ASH1L: variants seen among roughly 807,000 people sequenced by gnomAD.
The protein encoded by ASH1L is ASH1 like histone lysine methyltransferase.
In ASH1L, 23 loss-of-function variants were observed where a neutral mutation model predicts 269.0. That is an observed-to-expected ratio of 0.09 (90% CI 0.06 to 0.12). The LOEUF is 0.12. Among genes scored for constraint, ASH1L ranks in the 10% least tolerant of loss-of-function variants. The pLI is 1.00. For missense variants in ASH1L, 2,912 were observed against 3,567.8 expected (o/e 0.82, Z 4.68); for synonymous variants, 1,187 against 1,253.5 (o/e 0.95, Z 1.12).
chr1:155,495,054 T>G (rs1042554330), intron 2 of ASH1L, among the ~76,000 whole-genome samples: 2 of 152,214 alleles, frequency 1.3e-5, no homozygotes, highest in Non-Finnish European at 2.9e-5. Context: ...TACATTTGTT[T>G]GTTGGATTGG....
intron 19 of ASH1L, among the ~76,000 whole-genome samples, chr1:155,348,720 A>G (rs1653587249): frequency 6.6e-6 from 1 of 152,026 alleles, no homozygotes; most frequent in Non-Finnish European, 1.5e-5. Context: ...TGTCTCTACT[A>G]AAAATACAAA....
Position 155,360,315 on chromosome 1 carries a change from T to C in ASH1L, c.6781A>G (p.Asn2261Asp). The change falls in exon 13 of 28, where the codon AAT becomes GAT. Residue 2261 changes from asparagine to aspartate, a missense_variant. Around this residue, in one of 13 missense-constraint regions of ASH1L, gnomAD observed 309 missense variants for 435.1 expected, o/e 0.71. Coordinates refer to ENST00000392403, the MANE Select transcript of ASH1L (RefSeq NM_018489.3). ...LTYDYNFHSF[N>D]VEKQQLCKCG... ...ATTATTCTTACCTGTTTTTCCACAT[T>C]GAAGGAATGAAAGTTATAATCATAA... The C allele has an allele frequency of 6.2e-7, 1 of 1,610,300 alleles. No homozygotes were observed. Among genetic ancestry groups the C allele is most frequent in the Non-Finnish European group, 8.5e-7 (1 of 1,176,548 alleles).
chr1:155,533,881 C>T (rs1401695498), intron 1 of ASH1L, among the ~76,000 whole-genome samples: 1 of 152,064 alleles, frequency 6.6e-6, no homozygotes, highest in Non-Finnish European at 1.5e-5. Flanking sequence ...TTTATGGATT[C>T]ATCATTCTTA....
intron 12 of ASH1L, among the ~76,000 whole-genome samples, chr1:155,361,150 G>A (rs1357825110): frequency 1.3e-5 from 2 of 152,072 alleles, no homozygotes; most frequent in Non-Finnish European, 2.9e-5. Flanking sequence ...TTGGGAGGCC[G>A]AGGAGGGCAG....
At chr1:155,555,496 CAAAAA>C (rs57151613) in intron 1 of ASH1L, among the ~76,000 whole-genome samples, 1 of 55,092 alleles carries the variant, frequency 1.8e-5, no homozygotes, top group Non-Finnish European at 4.3e-5. Context: ...GACTCTGTCT[CAAAAA>C]AAAAAAAAAA....
At position 155,478,680 on chromosome 1, in the gene ASH1L, C is replaced by T. The variant is rs1265610352; in HGVS notation, c.4190G>A (p.Gly1397Glu). ...SPSPLTAAPI[G>E]LGYYGRYPPT... ...AGGATACCTTCCATAGTAACCTAAT[C>T]CTATGGGAGCAGCTGTAAGGGGTGA... The change falls in exon 3 of 28, where the codon GGA becomes GAA. Residue 1397 changes from glycine to glutamate, a missense_variant. By Grantham distance (98) the Gly-to-Glu change is moderately conservative (BLOSUM62 -2). Coordinates refer to ENST00000392403, the MANE Select transcript of ASH1L (RefSeq NM_018489.3). This position sits in a 1 kb window ranked among gnomAD's most constrained non-coding sequence, Gnocchi z 4.6. The T allele has an allele frequency of 6.2e-7, 1 of 1,613,818 alleles. No homozygotes were observed. Among genetic ancestry groups the T allele is most frequent in the Non-Finnish European group, 8.5e-7 (1 of 1,179,948 alleles).
intron 4 of ASH1L, among the ~76,000 whole-genome samples, chr1:155,451,100 G>C (rs1391405550): frequency 4.0e-5 from 6 of 151,564 alleles, no homozygotes; most frequent in Admixed American, 3.9e-4. Flanking sequence ...GGGAGGCTAA[G>C]GCGGGAGAAT....
chr1:155,492,549 A>G (rs1666879694), intron 2 of ASH1L, among the ~76,000 whole-genome samples: 1 of 152,058 alleles, frequency 6.6e-6, no homozygotes. Flanking sequence ...TAAGAACATT[A>G]CTCATTTCAT....
intron 7 of ASH1L, among the ~76,000 whole-genome samples, chr1:155,383,877 T>C (rs760922174): frequency 2.0e-4 from 31 of 152,192 alleles, no homozygotes; most frequent in Admixed American, 5.2e-4. Context: ...AATGCGAATG[T>C]ACCTAATGAC....
chr1:155,382,625 C>T (rs569232378), intron 7 of ASH1L, among the ~76,000 whole-genome samples: 14 of 152,310 alleles, frequency 9.2e-5, no homozygotes, highest in African/African-American at 3.4e-4. Flanking sequence ...AGTGTTACTG[C>T]CCCTGAAGAC....
Position 155,562,434 on chromosome 1 carries a change from G to GGCGGCGGCGGCAGCA in ASH1L, c.-396_-382dup. 2 of 1,469,930 alleles carry GGCGGCGGCGGCAGCA rather than the reference G, an allele frequency of 1.4e-6. No homozygotes were observed. The highest frequency in any genetic ancestry group is 2.4e-5 in the South Asian group (2 of 82,640). 91.1% of individuals were successfully genotyped at this position (1,469,930 alleles called of 1,614,324 possible). A position where few individuals can be genotyped will look rare whatever the true frequency, so the allele number is the denominator to read the frequency against. ...CCAAAATGGCGGCGGGAGCGGCGGC[G>GGCGGCGGCGGCAGCA]GCGGCGGCGGCAGCAGCAGAGTGGC... is the stretch of plus-strand genomic sequence containing the variant. On this transcript the variant is annotated 5_prime_UTR_variant, in exon 1 of 28. Coordinates refer to ENST00000392403, the MANE Select transcript of ASH1L (RefSeq NM_018489.3).
chr1:155,563,201 G>A (rs112818849), upstream of ASH1L: 1,457 of 456,744 alleles, frequency 3.2e-3, 10 homozygotes, highest in African/African-American at 0.026. Context: ...GGCCGCGGCG[G>A]CTGCGCGTTG....
intron 3 of ASH1L, among the ~76,000 whole-genome samples, chr1:155,468,046 C>T (rs1395409840): frequency 6.6e-6 from 1 of 151,938 alleles, no homozygotes; most frequent in Non-Finnish European, 1.5e-5. Context: ...TAGATTTAGC[C>T]AATTTTTTTC....
At chr1:155,366,989 G>GTTTTTTTT (rs896488958) in intron 12 of ASH1L, among the ~76,000 whole-genome samples, 3 of 124,194 alleles carry the variant, frequency 2.4e-5, no homozygotes, top group Admixed American at 8.8e-5. Context: ...AATGGGTTTG[G>GTTTTTTTT]TTTTTTTTTT....
At chr1:155,500,635 A>G (rs771575297) in intron 2 of ASH1L, among the ~76,000 whole-genome samples, 8 of 152,102 alleles carry the variant, frequency 5.3e-5, no homozygotes, top group African/African-American at 1.2e-4. Flanking sequence ...GAATGTGCCT[A>G]TCTTCTCCTA....
intron 2 of ASH1L, among the ~76,000 whole-genome samples, chr1:155,498,364 A>C (rs905535853): frequency 2.6e-5 from 4 of 152,096 alleles, no homozygotes; most frequent in Non-Finnish European, 4.4e-5. Context: ...CAGCCTCCTG[A>C]GAAGACGGGA....
At chr1:155,342,146 T>TC in intron 24 of ASH1L, 44 bp from the exon 25 acceptor site, 1 of 1,597,456 alleles carries the variant, frequency 6.3e-7, no homozygotes. Flanking sequence ...TAGCCATTTC[T>TC]CCCCCTGAGC....
At chr1:155,520,718 T>G (rs949866327) in intron 2 of ASH1L, among the ~76,000 whole-genome samples, 4 of 151,542 alleles carry the variant, frequency 2.6e-5, no homozygotes, top group African/African-American at 9.7e-5. Flanking sequence ...CAAAATTAGC[T>G]CGGTGTGGTG....
chr1:155,371,331 T>G (rs1360441066), intron 10 of ASH1L, among the ~76,000 whole-genome samples: 1 of 152,096 alleles, frequency 6.6e-6, no homozygotes, highest in African/African-American at 2.4e-5. Flanking sequence ...GTGGATTACC[T>G]GAGGTCAGGA....
Sources: gnomAD v4.1 joint callset for allele counts (sites outside exome capture counted in the v4.1 genomes callset) on GRCh38, gnomAD v4.1.1 for gene constraint, gnomAD v4.1.1 regional missense constraint, Gnocchi (gnomAD v3.1) non-coding constraint, MANE v1.5 for transcripts, NCBI Gene and HGNC (gene_info 2026-07-23, HGNC 2026-07-21) for gene names.